RHBDL3: variants seen among roughly 807,000 people sequenced by gnomAD.
RHBDL3 encodes the protein rhomboid-related protein 3.
Under a neutral mutation model 48.2 loss-of-function variants are expected in RHBDL3, and 28 were observed. The ratio of observed to expected loss-of-function variants is 0.58; its 90% confidence interval spans 0.43 to 0.80. The LOEUF (loss-of-function observed/expected upper bound fraction) is 0.80, where lower values mean the gene tolerates loss of function less well. Among genes scored for constraint, RHBDL3 ranks in the 30% least tolerant of loss-of-function variants. The pLI, the probability that RHBDL3 is intolerant of heterozygous loss-of-function variation, is 0.00. For synonymous variants in RHBDL3, 208 were observed against 232.3 expected (o/e 0.90, Z 0.95); for missense variants, 464 against 542.7 (o/e 0.85, Z 1.44).
At chr17:32,310,002 G>C (rs2040806685) in intron 7 of RHBDL3, among the ~76,000 whole-genome samples, 1 of 151,690 alleles carries the variant, frequency 6.6e-6, no homozygotes, top group Non-Finnish European at 1.5e-5. Context: ...ACCCACCTCA[G>C]CCTCCCAAAA....
At chr17:32,285,585 G>A (rs962345906) in intron 3 of RHBDL3, among the ~76,000 whole-genome samples, 1 of 152,192 alleles carries the variant, frequency 6.6e-6, no homozygotes, top group African/African-American at 2.4e-5. Context: ...AGGGGCTGCT[G>A]TGGACTGGGG....
rs781350200 is a variant in RHBDL3, at chr17:32,321,384, A to C, written c.*155A>C. 1 of 1,534,072 alleles carries C rather than the reference A, an allele frequency of 6.5e-7. No homozygotes were observed. The highest frequency in any genetic ancestry group is 2.0e-5 in the Admixed American group (1 of 50,706). ...TGTTTGTGTTTAGATTTGGACACAC[A>C]GTGGAGACCCTTTTCTGAAAGGCAT... is the stretch of plus-strand genomic sequence containing the variant. On this transcript the variant is annotated 3_prime_UTR_variant, in exon 9 of 9. Coordinates refer to ENST00000269051, the MANE Select transcript of RHBDL3 (RefSeq NM_138328.3).
intron 3 of RHBDL3, among the ~76,000 whole-genome samples, chr17:32,286,728 G>A (rs1335798048): frequency 2.6e-5 from 4 of 152,166 alleles, no homozygotes; most frequent in Non-Finnish European, 4.4e-5. Context: ...GGCCTCTCTC[G>A]TAGTACAGAC....
intron 6 of RHBDL3, among the ~76,000 whole-genome samples, chr17:32,299,051 T>TTG (rs1451592479): frequency 6.6e-6 from 1 of 151,572 alleles, no homozygotes; most frequent in African/African-American, 2.4e-5. Context: ...CGGCTGTTTT[T>TTG]TTTTTTTTTT....
chr17:32,280,509 G>C (rs889662364), intron 2 of RHBDL3: 1 of 152,212 alleles, frequency 6.6e-6, no homozygotes, highest in African/African-American at 2.4e-5. Flanking sequence ...GGTAGGATAT[G>C]TGCCCAGAGA....
At position 32,321,484 on chromosome 17, in the gene RHBDL3, G is replaced by A. The variant is rs933818861; in HGVS notation, c.*255G>A. On this transcript the variant is annotated 3_prime_UTR_variant, in exon 9 of 9. Coordinates refer to ENST00000269051, the MANE Select transcript of RHBDL3 (RefSeq NM_138328.3). ...TGACATCGGGCCAGGGTGAAGGTCT[G>A]GGGTGGGGTGTGAGAGTGGCCCTCC... is the stretch of plus-strand genomic sequence containing the variant. 4.5e-5 allele frequency: 46 copies of A among 1,011,998 alleles called. No homozygotes were observed. The highest frequency in any genetic ancestry group is 6.3e-5 in the Non-Finnish European group (45 of 709,966). 62.7% of individuals were successfully genotyped at this position (1,011,998 alleles called of 1,614,324 possible).
At chr17:32,288,771 C>A in intron 3 of RHBDL3, 21 bp from the exon 4 acceptor site, 3 of 1,585,990 alleles carry the variant, frequency 1.9e-6, no homozygotes, top group Non-Finnish European at 2.6e-6. Context: ...TGACCCTCTC[C>A]CCACTCCATT....
At chr17:32,293,441 G>A (rs1320291790) in intron 4 of RHBDL3, among the ~76,000 whole-genome samples, 1 of 152,014 alleles carries the variant, frequency 6.6e-6, no homozygotes, top group Non-Finnish European at 1.5e-5. Flanking sequence ...AATCAGCCAG[G>A]TGTGGTGGTG....
At chr17:32,277,740 G>A (rs888540645) in intron 2 of RHBDL3, among the ~76,000 whole-genome samples, 8 of 152,374 alleles carry the variant, frequency 5.3e-5, no homozygotes, top group African/African-American at 1.2e-4. Context: ...AAAGGGAAAC[G>A]TGACTGCTGT....
chr17:32,267,861 C>G (rs1160122927), intron 1 of RHBDL3, 41 bp from the exon 2 acceptor site: 7 of 1,613,256 alleles, frequency 4.3e-6, no homozygotes, highest in South Asian at 1.1e-5. Flanking sequence ...CTTTCTTTCT[C>G]TCCTCTTCTT....
Position 32,321,538 on chromosome 17 carries a change from G to GCACCCCCTGGCC in RHBDL3, c.*310_*311insACCCCCTGGCCC. On this transcript the variant is annotated 3_prime_UTR_variant, in exon 9 of 9. Transcript: ENST00000269051. ...ACCTGGGCTGGGCTTCTTCCATGGG[G>GCACCCCCTGGCC]CCAGGGGGTGCCCCCTCACTGCTGC... 1.9e-6 allele frequency: 1 copy of GCACCCCCTGGCC among 530,370 alleles called. No homozygotes were observed. Among genetic ancestry groups the GCACCCCCTGGCC allele is most frequent in the Non-Finnish European group, 3.3e-6 (1 of 300,452 alleles). 32.9% of individuals were successfully genotyped at this position (530,370 alleles called of 1,614,324 possible).
chr17:32,311,096 CT>C (rs2040838237), intron 7 of RHBDL3, among the ~76,000 whole-genome samples: 2 of 152,316 alleles, frequency 1.3e-5, no homozygotes, highest in Non-Finnish European at 2.9e-5. Flanking sequence ...CCTCTGCACT[CT>C]TAACCCGTTT....
At chr17:32,271,184 C>T (rs943244002) in intron 2 of RHBDL3, among the ~76,000 whole-genome samples, 1 of 152,106 alleles carries the variant, frequency 6.6e-6, no homozygotes, top group African/African-American at 2.4e-5. Context: ...CTTTTATTTC[C>T]TACTACTTTT....
intron 6 of RHBDL3, 58 bp downstream of exon 6, chr17:32,298,262 C>T: frequency 8.5e-7 from 1 of 1,179,064 alleles, no homozygotes; most frequent in Non-Finnish European, 1.3e-6. Context: ...GGGTGGGAGA[C>T]CCTGTGGGGC....
intron 2 of RHBDL3, among the ~76,000 whole-genome samples, chr17:32,274,390 G>T (rs2039846269): frequency 6.6e-6 from 1 of 152,200 alleles, no homozygotes; most frequent in Admixed American, 6.5e-5. Context: ...ACAACTAGAG[G>T]TAGCCCCCAT....
At chr17:32,319,390 C>G (rs1464828315) in intron 8 of RHBDL3, among the ~76,000 whole-genome samples, 1 of 139,928 alleles carries the variant, frequency 7.1e-6, no homozygotes, top group East Asian at 2.0e-4. Flanking sequence ...CCACTGCACT[C>G]CAGCCTGGGC....
chr17:32,308,890 A>T (rs958578053), intron 7 of RHBDL3, among the ~76,000 whole-genome samples: 12 of 151,800 alleles, frequency 7.9e-5, no homozygotes, highest in African/African-American at 2.2e-4. Context: ...ACATGGTGAA[A>T]CCCCGTTTCT....
chr17:32,310,862 C>T (rs553034341), intron 7 of RHBDL3, among the ~76,000 whole-genome samples: 17 of 129,718 alleles, frequency 1.3e-4, no homozygotes, highest in African/African-American at 4.5e-4. Context: ...TCAGCCTGGG[C>T]GACAGAGTCA....
At chr17:32,271,887 A>G (rs1156460603) in intron 2 of RHBDL3, among the ~76,000 whole-genome samples, 1 of 152,186 alleles carries the variant, frequency 6.6e-6, no homozygotes, top group East Asian at 1.9e-4. Context: ...CAAAATTATA[A>G]ACATAAACAT....
Sources: gnomAD v4.1 joint callset for allele counts (sites outside exome capture counted in the v4.1 genomes callset) on GRCh38, gnomAD v4.1.1 for gene constraint, MANE v1.5 for transcripts, NCBI Gene and HGNC (gene_info 2026-07-23, HGNC 2026-07-21) for gene names.